Variants in SND1 observed in about 807,000 individuals in gnomAD.
The protein encoded by SND1 is staphylococcal nuclease and tudor domain containing 1.
Under a neutral mutation model 121.7 loss-of-function variants are expected in SND1, and 38 were observed. The observed-to-expected ratio is 0.31, with a 90% CI of 0.24 to 0.41. SND1 has a LOEUF of 0.41. Among genes scored for constraint, SND1 ranks in the 10% least tolerant of loss-of-function variants. The pLI is 1.00. For synonymous variants in SND1, 401 were observed against 447.4 expected, an observed-to-expected ratio of 0.90 and a Z score of 1.31; for missense variants, 868 against 1,184.6, an observed-to-expected ratio of 0.73 and a Z score of 3.92.
chr7:127,752,030 C>T (rs1048216181), intron 10 of SND1, among the ~76,000 whole-genome samples: 4 of 152,236 alleles, frequency 2.6e-5, no homozygotes, highest in Admixed American at 1.3e-4. Context: ...AATATCTGAT[C>T]GATGGGGCCA....
chr7:127,914,986 G>T (rs1034638033), intron 14 of SND1, among the ~76,000 whole-genome samples: 11 of 152,102 alleles, frequency 7.2e-5, no homozygotes, highest in African/African-American at 2.4e-4. Context: ...TGACGTAAGA[G>T]CTCAACAGAG....
chr7:128,049,629 G>C (rs550834317), intron 16 of SND1, among the ~76,000 whole-genome samples: 5 of 152,178 alleles, frequency 3.3e-5, no homozygotes, highest in African/African-American at 4.8e-5. Flanking sequence ...GGTCAGCAGC[G>C]TGGACCTTGG....
At chr7:127,911,834 T>C (rs1204937765) in intron 14 of SND1, among the ~76,000 whole-genome samples, 2 of 152,148 alleles carry the variant, frequency 1.3e-5, no homozygotes, top group Non-Finnish European at 2.9e-5. Flanking sequence ...AAAGCATGTC[T>C]CTGCTAAGAG....
intron 12 of SND1, among the ~76,000 whole-genome samples, chr7:127,850,695 A>G (rs1282921286): frequency 3.3e-5 from 5 of 152,174 alleles, no homozygotes; most frequent in Non-Finnish European, 7.4e-5. Flanking sequence ...GCCTTCCCAA[A>G]AAGAGCAGTT....
intron 14 of SND1, among the ~76,000 whole-genome samples, chr7:127,925,828 C>G (rs1800819896): frequency 6.6e-6 from 1 of 151,956 alleles, no homozygotes; most frequent in Admixed American, 6.6e-5. Context: ...CTCGTGATCT[C>G]AGATGATCCT....
Position 128,081,593 on chromosome 7 carries a change from A to T in SND1, c.2110+92A>T, listed in dbSNP as rs1322368588. ...GGCCTCTGCCCAGTGGGTGGGAGGA[A>T]CAATGCCTAGGCAGTCCAGGAGCCT... On this transcript the variant is annotated intron_variant, in intron 18 of 23. Transcript: ENST00000354725. 5.4e-6 allele frequency: 8 copies of T among 1,485,954 alleles called. No individual in the cohort carries two copies. In the Admixed American group the frequency reaches 7.0e-5, roughly 13 times the overall value. The allele number at this position is 1,485,954 out of a possible 1,614,324, so 92.0% of individuals were successfully genotyped here.
At chr7:128,032,217 C>T (rs922448484) in intron 16 of SND1, 10 of 151,554 alleles carry the variant, frequency 6.6e-5, no homozygotes, top group African/African-American at 2.4e-4. Flanking sequence ...CCGGCGCCTT[C>T]CAGCGCCGCG....
rs547690609 is a variant in SND1 at position 128,015,991 on chromosome 7, C to T, written c.1779+24935C>T. On this transcript the variant is annotated intron_variant, in intron 16 of 23. Transcript: ENST00000354725. The surrounding 1 kb of genome is among the most constrained non-coding windows in gnomAD (Gnocchi z 4.5). ...CATCTGCAAACCAAAGCGATCTCAG[C>T]AGCTGCTGGAATGCCATTGGTACAG... Among the ~76,000 whole-genome samples the T allele has an allele frequency of 6.6e-6, 1 of 152,294 alleles. No homozygotes were observed. The highest frequency in any genetic ancestry group is 2.1e-4 in the South Asian group (1 of 4,822).
At chr7:127,766,654 A>T (rs1477523383) in intron 10 of SND1, among the ~76,000 whole-genome samples, 1 of 151,266 alleles carries the variant, frequency 6.6e-6, no homozygotes, top group African/African-American at 2.4e-5. Context: ...GGGCACCTGT[A>T]GTCCCAGCTA....
In SND1 at chr7:127,844,359, C is replaced by G; in HGVS notation, c.1278C>G (p.Ser426Arg). The change falls in exon 12 of 24, where the codon AGC (serine) becomes AGG (arginine). Residue 426 changes from serine (S) to arginine (R), a missense_variant. Around this residue, in one of 2 missense-constraint regions of SND1, gnomAD observed 743 missense variants for 1,071.3 expected, o/e 0.69. Coordinates refer to ENST00000354725, the MANE Select transcript of SND1 (RefSeq NM_014390.4). ...NVTVDYIRPA[S>R]PATETVPAFS... Reference sequence around the variant, plus strand: ...CGGTGGACTACATTAGACCAGCCAGCCCAGCCACAGAGACAGTGCCTGCCT... The same window carrying G: ...CGGTGGACTACATTAGACCAGCCAGGCCAGCCACAGAGACAGTGCCTGCCT... The G allele has an allele frequency of 6.2e-7, 1 of 1,613,580 alleles. No homozygotes were observed. The highest frequency in any genetic ancestry group is 8.5e-7 in the Non-Finnish European group (1 of 1,179,694).
At chr7:127,909,435 T>C (rs1180921331) in intron 14 of SND1, among the ~76,000 whole-genome samples, 2 of 151,980 alleles carry the variant, frequency 1.3e-5, no homozygotes, top group African/African-American at 4.8e-5. Context: ...TTGTTAGAAA[T>C]ACGTAGTATT....
At chr7:127,801,723 C>T (rs574159359) in intron 10 of SND1, among the ~76,000 whole-genome samples, 2 of 152,318 alleles carry the variant, frequency 1.3e-5, no homozygotes, top group South Asian at 4.1e-4. Context: ...AGGTGCACGC[C>T]ACCATAGTCT....
chr7:128,070,563 A>G (rs1793393560), intron 16 of SND1, among the ~76,000 whole-genome samples: 1 of 152,212 alleles, frequency 6.6e-6, no homozygotes, highest in South Asian at 2.1e-4. Context: ...ATGAGTGGCT[A>G]TGTTATAGCA....
chr7:127,943,216 C>A lies in SND1; in HGVS notation c.1669+13887C>A, dbSNP rs1032577017. ...TATTAATCATTGTAATAATTTCTTA[C>A]CTGGAATCTATTGATTCATAGTTTC... On this transcript the variant is annotated intron_variant, in intron 15 of 23. Transcript: ENST00000354725. Among the ~76,000 whole-genome samples, 5 of 152,182 alleles carry A rather than the reference C, an allele frequency of 3.3e-5. 1 individual carries two copies. The South Asian group carries it at 6.2e-4, about 19-fold the overall frequency.
intron 10 of SND1, among the ~76,000 whole-genome samples, chr7:127,734,380 A>G (rs934289513): frequency 2.6e-5 from 4 of 152,142 alleles, no homozygotes; most frequent in Admixed American, 2.0e-4. Context: ...GGGGCCTGCT[A>G]TTTACAGTTT....
chr7:127,838,838 T>C (rs1584609595), intron 11 of SND1, among the ~76,000 whole-genome samples: 1 of 152,222 alleles, frequency 6.6e-6, no homozygotes, highest in African/African-American at 2.4e-5. Flanking sequence ...TGGATACTTA[T>C]TTAGCATTTA....
At chr7:127,701,469 T>G (rs1170475894) in intron 5 of SND1, 146 bp downstream of exon 5, 2 of 782,200 alleles carry the variant, frequency 2.6e-6, no homozygotes, top group Non-Finnish European at 3.9e-6. Flanking sequence ...AAACAGCACC[T>G]TAGTATTTCA....
At chr7:128,030,730 C>T in intron 16 of SND1, 24 of 1,450,838 alleles carry the variant, frequency 1.7e-5, no homozygotes, top group Non-Finnish European at 2.1e-5. Flanking sequence ...GCTAGGAGCT[C>T]CTCTTTCCAT....
At chr7:127,732,309 C>T (rs894052143) in intron 10 of SND1, among the ~76,000 whole-genome samples, 4 of 152,212 alleles carry the variant, frequency 2.6e-5, no homozygotes, top group Admixed American at 2.0e-4. Context: ...CCATTTCTAC[C>T]TGCTACCCTC....
Sources: allele counts gnomAD v4.1 joint callset (sites outside exome capture counted in the v4.1 genomes callset), GRCh38; gene constraint gnomAD v4.1.1; regional missense constraint gnomAD v4.1.1; non-coding constraint Gnocchi (gnomAD v3.1); transcripts MANE v1.5; gene names NCBI Gene and HGNC (gene_info 2026-07-23, HGNC 2026-07-21).